Variants in INTS1 observed in about 807,000 individuals in gnomAD.
The protein encoded by INTS1 is integrator complex subunit 1.
Under a neutral mutation model 241.6 loss-of-function variants are expected in INTS1, and 137 were observed. The ratio of observed to expected loss-of-function variants is 0.57; its 90% confidence interval spans 0.49 to 0.65. INTS1 has a LOEUF of 0.65. Among genes scored for constraint, INTS1 ranks in the 30% least tolerant of loss-of-function variants. INTS1 has a pLI of 0.00. For missense variants in INTS1, 3,073 were observed against 3,032.2 expected, an observed-to-expected ratio of 1.01 and a Z score of -0.32; for synonymous variants, 1,692 against 1,337.8, an observed-to-expected ratio of 1.26 and a Z score of -5.78.
Position 1,498,302 on chromosome 7 carries a change from T to C in INTS1, c.1425+110A>G, listed in dbSNP as rs180866151. On this transcript the variant is annotated intron_variant, in intron 10 of 47. Coordinates refer to ENST00000404767, the MANE Select transcript of INTS1 (RefSeq NM_001080453.3). The stretch of plus-strand genomic sequence containing the variant: ...GCTCCTTCCCGAGACCGAGGAGCAT[T>C]CTCCCACGAAGCACTGCCAATCCAC... 5.3e-4 allele frequency: 789 copies of C among 1,487,258 alleles called. 6 individuals are homozygous for C. In the African/African-American group the frequency reaches 9.4e-3, roughly 18 times the overall value. 92.1% of individuals were successfully genotyped at this position (1,487,258 alleles called of 1,614,324 possible).
In INTS1 at chr7:1,503,157, G is replaced by A; in HGVS notation, c.93C>T (p.Gly31=). The A allele has an allele frequency of 1.9e-6, 3 of 1,564,054 alleles. No homozygotes were observed. Among genetic ancestry groups the A allele is most frequent in the Non-Finnish European group, 2.6e-6 (3 of 1,152,428 alleles). ...TCGATTCATTGGCCTGACCCTTTGA[G>A]CCCAGAGCAATGAAGTCTCCTGGGG... is the stretch of plus-strand genomic sequence containing the variant. ...HPPPGDFIAL[G]SKGQANESKT... Residue 31 remains glycine (G), a synonymous_variant, in exon 3 of 48, where the codon GGC becomes GGT. Transcript: ENST00000404767.
chr7:1,482,840 G>A, intron 26 of INTS1, 133 bp from the exon 27 acceptor site: 1 of 1,049,448 alleles, frequency 9.5e-7, no homozygotes, highest in Non-Finnish European at 1.4e-6. Context: ...CGGGGCTCCT[G>A]TGCTAGGTGA....
Position 1,478,813 on chromosome 7 carries a change from C to T in INTS1, c.4402G>A (p.Asp1468Asn). The T allele has an allele frequency of 6.2e-7, 1 of 1,608,988 alleles. No individual in the cohort carries two copies. Among genetic ancestry groups the T allele is most frequent in the Non-Finnish European group, 8.5e-7 (1 of 1,178,370 alleles). The change falls in exon 32 of 48, where the codon GAC (aspartate) becomes AAC (asparagine). Residue 1468 changes from aspartate (D) to asparagine (N), a missense_variant. Asp to Asn is a conservative substitution (Grantham distance 23). Transcript: ENST00000404767. Reference protein sequence around the residue: ...KVLLQMLQWLDSPGVEGGPLR... With the variant: ...KVLLQMLQWLNSPGVEGGPLR... ...GGCCCGCCCTCCACGCCAGGGCTGT[C>T]CAGCCACTGCAGCATCTGCAGGAGC... is the stretch of plus-strand genomic sequence containing the variant.
At position 1,477,606 on chromosome 7, in the gene INTS1, C is replaced by G; in HGVS notation, c.4882G>C (p.Glu1628Gln). 6.4e-7 allele frequency: 1 copy of G among 1,571,394 alleles called. No individual in the cohort carries two copies. The highest frequency in any genetic ancestry group is 8.6e-7 in the Non-Finnish European group (1 of 1,160,284). ...LVDWLEMLDP[E>Q]VVSSCPDLQL... ...AGGTCGGGGCAGCTGCTGACCACCT[C>G]GGGGTCCAGCATTTCCAGCCAGTCC... The change falls in exon 35 of 48, where the codon GAG (glutamate) becomes CAG (glutamine). Residue 1628 changes from glutamate to glutamine, a missense_variant. Physicochemically the swap from Glu to Gln is conservative, Grantham distance 29. Coordinates refer to ENST00000404767, the MANE Select transcript of INTS1 (RefSeq NM_001080453.3).
At chr7:1,492,839 G>A (rs1186253127) in intron 16 of INTS1, among the ~76,000 whole-genome samples, 171 bp downstream of exon 16, 5 of 147,644 alleles carry the variant, frequency 3.4e-5, no homozygotes, top group African/African-American at 7.6e-5. Context: ...TTACCCGGGC[G>A]GGAGTGGGGA....
At chr7:1,473,016 G>C in intron 43 of INTS1, 56 bp downstream of exon 43, 1 of 1,196,830 alleles carries the variant, frequency 8.4e-7, no homozygotes, top group Non-Finnish European at 1.2e-6. Flanking sequence ...GGGAAAACCA[G>C]GCCCTGTAGG....
chr7:1,504,069 T>C (rs1267674511), intron 1 of INTS1, 68 bp from the exon 2 acceptor site: 4 of 834,218 alleles, frequency 4.8e-6, no homozygotes, highest in African/African-American at 1.8e-5. Flanking sequence ...TTCGCTCCCT[T>C]GCCGCACGGG....
chr7:1,493,757 C>T lies in INTS1; in HGVS notation c.2065G>A (p.Asp689Asn). ...LVKRAAAVQA[D>N]DVEVLKVGRT... Reference sequence around the variant, plus strand: ...CCATCCCCTGCAGAAGCCATACCATCCGCCTGCACGGCAGCCGCCCGCTTC... The same window carrying T: ...CCATCCCCTGCAGAAGCCATACCATTCGCCTGCACGGCAGCCGCCCGCTTC... Residue 689 changes from aspartate to asparagine, a missense_variant, in exon 15 of 48, where the codon GAT becomes AAT. Transcript: ENST00000404767. This position sits in a 1 kb window ranked among gnomAD's most constrained non-coding sequence, Gnocchi z 5.3. 6.3e-7 allele frequency: 1 copy of T among 1,576,764 alleles called. No individual in the cohort carries two copies. Among genetic ancestry groups the T allele is most frequent in the East Asian group, 2.4e-5 (1 of 42,488 alleles).
chr7:1,500,051 G>T (rs1194893507), intron 4 of INTS1, 30 bp from the exon 5 acceptor site: 6 of 1,608,552 alleles, frequency 3.7e-6, no homozygotes, highest in African/African-American at 1.3e-5. Flanking sequence ...TCACGTGGGA[G>T]CTTCGCTGGC....
chr7:1,498,343 C>A lies in INTS1; in HGVS notation c.1425+69G>T, dbSNP rs1264745212. 4 of 1,584,908 alleles carry A rather than the reference C, an allele frequency of 2.5e-6. No individual in the cohort carries two copies. In the African/African-American group the frequency reaches 5.4e-5, roughly 21 times the overall value. ...GCCAATCCACCGGCCTCCCCAGACG[C>A]CACGTGCCCCTCCAGCCCAGAGCCC... On this transcript the variant is annotated intron_variant, in intron 10 of 47. Transcript: ENST00000404767.
In INTS1 at chr7:1,491,316, G is replaced by A. The variant is rs147313764; in HGVS notation, c.2166-1634C>T. 3.6e-3 allele frequency among the ~76,000 whole-genome samples: 550 copies of A among 152,326 alleles called. 5 individuals carry two copies. Among genetic ancestry groups the A allele is most frequent in the African/African-American group, 0.013 (526 of 41,582 alleles). On this transcript the variant is annotated intron_variant, in intron 16 of 47. Transcript: ENST00000404767. ...AACAACCCACATGGGTGCGACTTCC[G>A]ACACGAAGCCAAGAGAACCTCATCA...
At position 1,484,252 on chromosome 7, in the gene INTS1, G is replaced by T. The variant is rs536693391; in HGVS notation, c.3262-82C>A. On this transcript the variant is annotated intron_variant, in intron 24 of 47. Coordinates refer to ENST00000404767, the MANE Select transcript of INTS1 (RefSeq NM_001080453.3). Reference sequence around the variant, plus strand: ...GCTGGGGTGACCTCGTCGCAGGCACGCTCTCACTGGGATCTTAAGCAGGGC... The same window carrying T: ...GCTGGGGTGACCTCGTCGCAGGCACTCTCTCACTGGGATCTTAAGCAGGGC... 15 of 1,401,898 alleles carry T rather than the reference G, an allele frequency of 1.1e-5. No individual in the cohort carries two copies. In the African/African-American group the frequency reaches 2.0e-4, roughly 18 times the overall value. 86.8% of individuals were successfully genotyped at this position (1,401,898 alleles called of 1,614,324 possible).
chr7:1,495,854 C>T (rs1279241316), intron 12 of INTS1, among the ~76,000 whole-genome samples: 1 of 152,198 alleles, frequency 6.6e-6, no homozygotes, highest in Admixed American at 6.5e-5. Flanking sequence ...CCAAACACCA[C>T]CTCCCCTCCC....
rs770268820 is a variant in INTS1, at chr7:1,480,396, A to G, written c.3995T>C (p.Ile1332Thr). 5.6e-6 allele frequency: 9 copies of G among 1,613,112 alleles called. No individual in the cohort carries two copies. The highest frequency in any genetic ancestry group is 1.7e-4 in the Middle Eastern group (1 of 5,920). Reference sequence around the variant, plus strand: ...CCCCACCCGAATCCGGCCCTGGCCTATGGGCTGCTCTGGGCTGCTCTTTGG... The same window carrying G: ...CCCCACCCGAATCCGGCCCTGGCCTGTGGGCTGCTCTGGGCTGCTCTTTGG... ...PKPKSSPEQP[I>T]GQGRIRVGTQ... The change falls in exon 30 of 48, where the codon ATA (isoleucine) becomes ACA (threonine). Residue 1332 changes from isoleucine (I) to threonine (T), a missense_variant. Coordinates refer to ENST00000404767, the MANE Select transcript of INTS1 (RefSeq NM_001080453.3).
At chr7:1,476,172 T>C in intron 38 of INTS1, 57 bp downstream of exon 38, 1 of 1,528,274 alleles carries the variant, frequency 6.5e-7, no homozygotes, top group Non-Finnish European at 8.8e-7. Context: ...GGGCTGGGCC[T>C]CGACCCCCTC....
chr7:1,503,484 C>T (rs1783300654), intron 2 of INTS1, among the ~76,000 whole-genome samples: 1 of 152,188 alleles, frequency 6.6e-6, no homozygotes, highest in African/African-American at 2.4e-5. Context: ...ATTACTCTAA[C>T]TTTACAAGAG....
chr7:1,501,195 G>A (rs1783160653), intron 3 of INTS1: 1 of 151,998 alleles, frequency 6.6e-6, no homozygotes, highest in Non-Finnish European at 1.5e-5. Flanking sequence ...TAAGGCAGGA[G>A]AATCATGTGA....
Position 1,476,314 on chromosome 7 carries a change from G to A in INTS1, c.5293C>T (p.Leu1765=). 5 of 1,588,488 alleles carry A rather than the reference G, an allele frequency of 3.1e-6. No individual in the cohort carries two copies. The highest frequency in any genetic ancestry group is 1.3e-5 in the African/African-American group (1 of 74,614). The change falls in exon 38 of 48, where the codon CTG becomes TTG. Residue 1765 remains leucine, a synonymous_variant. Transcript: ENST00000404767. ...CSLIQARLPL[L]LSCCCGDDES... ...TCGTCCCCACAGCAGCAGCTGAGCA[G>A]CAGGGGCAGCCGGGCCTGGATGAGG...
chr7:1,476,493 G>A lies in INTS1; in HGVS notation c.5152-38C>T, dbSNP rs373720483. On this transcript the variant is annotated intron_variant, in intron 37 of 47. Transcript: ENST00000404767. ...CCTGCATCAGCCCCGGAGCACCACCGCCTCTCCCGGATGGGCCACCCCCTC... is the reference window on the plus strand; with the variant it reads ...CCTGCATCAGCCCCGGAGCACCACCACCTCTCCCGGATGGGCCACCCCCTC... 83 of 1,190,136 alleles carry A rather than the reference G, an allele frequency of 7.0e-5. 1 individual carries two copies. In the Admixed American group the frequency reaches 7.3e-4, roughly 10 times the overall value. 73.7% of individuals were successfully genotyped at this position (1,190,136 alleles called of 1,614,324 possible). A position where few individuals can be genotyped will look rare whatever the true frequency, so the allele number is the denominator to read the frequency against.
Sources: allele counts gnomAD v4.1 joint callset (sites outside exome capture counted in the v4.1 genomes callset), GRCh38; gene constraint gnomAD v4.1.1; non-coding constraint Gnocchi (gnomAD v3.1); transcripts MANE v1.5; gene names NCBI Gene and HGNC (gene_info 2026-07-23, HGNC 2026-07-21).